The following TTLL4 variants were observed in gnomAD, a reference collection of about 807,000 sequenced individuals.
The protein encoded by TTLL4 is tubulin tyrosine ligase like 4.
A neutral mutation model predicts 122.7 loss-of-function variants in TTLL4; 85 were observed. The observed-to-expected ratio is 0.69, with a 90% CI of 0.58 to 0.83. The LOEUF is 0.83. Among genes scored for constraint, TTLL4 ranks in the 40% least tolerant of loss-of-function variants. TTLL4 has a pLI of 0.00. For missense variants in TTLL4, 1,363 were observed against 1,488.6 expected (o/e 0.92, Z 1.39); for synonymous variants, 553 against 563.0 (o/e 0.98, Z 0.25).
chr2:218,737,581 T>G lies in TTLL4; in HGVS notation c.-96T>G. On this transcript the variant is annotated splice_region_variant and 5_prime_UTR_variant, in exon 3 of 20. Transcript: ENST00000392102. ...CCTATCATTTCTCTCCACTTCAGAC[T>G]GACAGACTTCAAGGATGCAGCTGCT... The G allele has an allele frequency of 7.2e-7, 1 of 1,387,590 alleles. No homozygotes were observed. Among genetic ancestry groups the G allele is most frequent in the Non-Finnish European group, 9.8e-7 (1 of 1,018,352 alleles). 86.0% of individuals were successfully genotyped at this position (1,387,590 alleles called of 1,614,324 possible). A position where few individuals can be genotyped will look rare whatever the true frequency, so the allele number is the denominator to read the frequency against.
At chr2:218,754,054 C>T in intron 19 of TTLL4, 80 bp from the exon 20 acceptor site, 2 of 1,583,956 alleles carry the variant, frequency 1.3e-6, no homozygotes, top group Non-Finnish European at 8.6e-7. Flanking sequence ...AATGCCTGCT[C>T]CAGACTGAAG....
intron 1 of TTLL4, among the ~76,000 whole-genome samples, chr2:218,714,206 C>G (rs1027399655): frequency 6.6e-6 from 1 of 152,142 alleles, no homozygotes; most frequent in Admixed American, 6.5e-5. Context: ...GCAACACCAG[C>G]ATTGAAAGGA....
At chr2:218,759,478 T>A (rs1481244173), downstream of TTLL4, among the ~76,000 whole-genome samples, 1 of 152,228 alleles carries the variant, frequency 6.6e-6, no homozygotes, top group Non-Finnish European at 1.5e-5. Flanking sequence ...AACAAAAGAC[T>A]GCATGCTTTG....
chr2:218,740,870 C>T (rs35475810), intron 5 of TTLL4, among the ~76,000 whole-genome samples: 4 of 151,658 alleles, frequency 2.6e-5, no homozygotes, highest in South Asian at 4.2e-4. Context: ...GTCAGGAGTT[C>T]GAGACTAGCC....
chr2:218,737,607 A>C lies in TTLL4; in HGVS notation c.-70A>C, dbSNP rs1264430368. On this transcript the variant is annotated 5_prime_UTR_variant, in exon 3 of 20. Coordinates refer to ENST00000392102, the MANE Select transcript of TTLL4 (RefSeq NM_014640.5). ...GACAGACTTCAAGGATGCAGCTGCT[A>C]CTACCGGAGGTGTGTGGCACCTTAC... 6.7e-7 allele frequency: 1 copy of C among 1,492,360 alleles called. No individual in the cohort carries two copies. Among genetic ancestry groups the C allele is most frequent in the Non-Finnish European group, 9.0e-7 (1 of 1,112,568 alleles). The allele number at this position is 1,492,360 out of a possible 1,614,324, so 92.4% of individuals were successfully genotyped here. A position where few individuals can be genotyped will look rare whatever the true frequency, so the allele number is the denominator to read the frequency against.
At chr2:218,746,801 A>G (rs1185279186) in intron 8 of TTLL4, 4 of 598,454 alleles carry the variant, frequency 6.7e-6, no homozygotes, top group Non-Finnish European at 1.2e-5. Context: ...GGCTTACATT[A>G]CTCTGTTTTG....
chr2:218,743,974 C>T (rs1236090309), intron 5 of TTLL4, among the ~76,000 whole-genome samples: 4 of 152,222 alleles, frequency 2.6e-5, no homozygotes, highest in Non-Finnish European at 4.4e-5. Flanking sequence ...CCACTGCACC[C>T]GGCCTCTATC....
chr2:218,720,954 G>T (rs1401649760), intron 1 of TTLL4, among the ~76,000 whole-genome samples: 1 of 152,124 alleles, frequency 6.6e-6, no homozygotes, highest in Non-Finnish European at 1.5e-5. Flanking sequence ...GATTTATTCA[G>T]TCATGCCTAT....
At chr2:218,751,623 T>C in intron 15 of TTLL4, 81 bp from the exon 16 acceptor site, 8 of 1,538,346 alleles carry the variant, frequency 5.2e-6, no homozygotes, top group Non-Finnish European at 7.0e-6. Context: ...GGGTGTCTGC[T>C]GGGCTGGACC....
At chr2:218,739,943 T>G in intron 3 of TTLL4, 115 bp from the exon 4 acceptor site, 1 of 916,020 alleles carries the variant, frequency 1.1e-6, no homozygotes, top group Non-Finnish European at 1.7e-6. Flanking sequence ...AGGCAAGAAG[T>G]AGCAGATTGG....
Position 218,740,062 on chromosome 2 carries a change from G to A in TTLL4, c.1492G>A (p.Ala498Thr), listed in dbSNP as rs1942654790. ...LDSSDRDISSATDLQPDQAET... is the reference protein window; with the variant it reads ...LDSSDRDISSTTDLQPDQAET... ...GGGCATGATTCTTTCTTTTAGTTCAGCTACTGACCTCCAGCCAGATCAGGC... is the reference window on the plus strand; with the variant it reads ...GGGCATGATTCTTTCTTTTAGTTCAACTACTGACCTCCAGCCAGATCAGGC... Residue 498 changes from alanine (A) to threonine (T), a missense_variant, in exon 4 of 20, where the codon GCT (alanine) becomes ACT (threonine). This residue lies in a region of TTLL4 where 760 missense variants were observed against 808.4 expected (regional missense o/e 0.94). Transcript: ENST00000392102. The A allele has an allele frequency of 6.2e-7, 1 of 1,614,042 alleles. No individual in the cohort carries two copies. Among genetic ancestry groups the A allele is most frequent in the East Asian group, 2.2e-5 (1 of 44,876 alleles).
intron 6 of TTLL4, 29 bp downstream of exon 6, chr2:218,745,262 A>G: frequency 6.2e-7 from 1 of 1,613,506 alleles, no homozygotes; most frequent in South Asian, 1.1e-5. Context: ...CAAAGCCCAG[A>G]AGAGCCCCCG....
intron 15 of TTLL4, among the ~76,000 whole-genome samples, chr2:218,750,850 G>A (rs1345990960): frequency 6.6e-6 from 1 of 151,920 alleles, no homozygotes; most frequent in Non-Finnish European, 1.5e-5. Context: ...CCTTCATGAG[G>A]CCAACTCAGT....
intron 4 of TTLL4, 86 bp downstream of exon 4, chr2:218,740,253 A>T: frequency 7.8e-7 from 1 of 1,289,816 alleles, no homozygotes; most frequent in Non-Finnish European, 1.1e-6. Context: ...TAGGTCCTTG[A>T]CTCACATTAC....
chr2:218,725,275 A>T (rs1450455912), intron 1 of TTLL4, among the ~76,000 whole-genome samples: 2 of 152,082 alleles, frequency 1.3e-5, no homozygotes, highest in African/African-American at 2.4e-5. Flanking sequence ...CGTGGAATGC[A>T]GTGGTGTATT....
rs1427270218 is a variant in TTLL4 at position 218,738,296 on chromosome 2, C to T, written c.620C>T (p.Ser207Phe). 1.9e-6 allele frequency: 3 copies of T among 1,614,148 alleles called. No homozygotes were observed. Among genetic ancestry groups the T allele is most frequent in the Non-Finnish European group, 2.5e-6 (3 of 1,180,042 alleles). ...LASAISGKIPSPLSSSYKPML... is the reference protein window; with the variant it reads ...LASAISGKIPFPLSSSYKPML... ...TCTGCCATCTCAGGGAAGATCCCAT[C>T]TCCACTCTCTTCCTCCTATAAGCCC... The change falls in exon 3 of 20, where the codon TCT (serine) becomes TTT (phenylalanine). Residue 207 changes from serine (S) to phenylalanine (F), a missense_variant. Transcript: ENST00000392102.
intron 1 of TTLL4, among the ~76,000 whole-genome samples, chr2:218,723,171 T>C (rs1251194606): frequency 6.6e-6 from 1 of 152,210 alleles, no homozygotes; most frequent in African/African-American, 2.4e-5. Context: ...ACATGTTCTT[T>C]TCTTTTGAAT....
Position 218,754,956 on chromosome 2 carries a change from C to T in TTLL4, c.*567C>T, listed in dbSNP as rs926460419. 1.9e-5 allele frequency: 3 copies of T among 154,938 alleles called. No individual in the cohort carries two copies. In the East Asian group the frequency reaches 5.8e-4, roughly 30 times the overall value. 9.6% of individuals were successfully genotyped at this position (154,938 alleles called of 1,614,324 possible). On this transcript the variant is annotated 3_prime_UTR_variant, in exon 20 of 20. Transcript: ENST00000392102. ...TCCTGTCATCCTAGTCTTGGGTCTTCACCGCCTCCTTCCAAATACCCACCC... is the reference window on the plus strand; with the variant it reads ...TCCTGTCATCCTAGTCTTGGGTCTTTACCGCCTCCTTCCAAATACCCACCC...
At chr2:218,735,604 C>G (rs1942495757) in intron 2 of TTLL4, among the ~76,000 whole-genome samples, 1 of 152,034 alleles carries the variant, frequency 6.6e-6, no homozygotes, top group African/African-American at 2.4e-5. Context: ...AATTCCTTCC[C>G]TCTAGCTACT....
Sources: allele counts gnomAD v4.1 joint callset (sites outside exome capture counted in the v4.1 genomes callset), GRCh38; gene constraint gnomAD v4.1.1; regional missense constraint gnomAD v4.1.1; transcripts MANE v1.5; gene names NCBI Gene and HGNC (gene_info 2026-07-23, HGNC 2026-07-21).